Variants in UBAP2L observed in about 807,000 individuals in gnomAD.
The protein encoded by UBAP2L is ubiquitin-associated protein 2-like.
A neutral mutation model predicts 130.6 loss-of-function variants in UBAP2L; 12 were observed. That is an observed-to-expected ratio of 0.09 (90% CI 0.06 to 0.15). The LOEUF (loss-of-function observed/expected upper bound fraction) is 0.15. Ranked by LOEUF, UBAP2L falls within the 10% of genes least tolerant of loss-of-function variation. The pLI, the probability that UBAP2L is intolerant of heterozygous loss-of-function variation, is 1.00. For missense variants in UBAP2L, 965 were observed against 1,332.5 expected (o/e 0.72, Z 4.29); for synonymous variants, 503 against 524.7 (o/e 0.96, Z 0.57).
At chr1:154,234,964 G>A (rs570205398) in intron 5 of UBAP2L, among the ~76,000 whole-genome samples, 1 of 152,244 alleles carries the variant, frequency 6.6e-6, no homozygotes, top group East Asian at 1.9e-4. Context: ...TTACCCTGTA[G>A]TCATTTATAA....
At chr1:154,225,820 T>C (rs1314726280) in intron 2 of UBAP2L, among the ~76,000 whole-genome samples, 1 of 152,214 alleles carries the variant, frequency 6.6e-6, no homozygotes, top group East Asian at 1.9e-4. Context: ...GATATCTCTC[T>C]CTTTTGTTTT....
intron 8 of UBAP2L, among the ~76,000 whole-genome samples, chr1:154,239,588 GCT>G (rs1405860336): frequency 6.6e-6 from 1 of 152,058 alleles, no homozygotes; most frequent in Non-Finnish European, 1.5e-5. Flanking sequence ...TGCTTCCTCA[GCT>G]CTCTCTCTTC....
At position 154,257,591 on chromosome 1, in the gene UBAP2L, T is replaced by A; in HGVS notation, c.2442+157T>A. 5.5e-6 allele frequency: 4 copies of A among 722,958 alleles called. No homozygotes were observed. The South Asian group carries it at 7.6e-5, about 14-fold the overall frequency. 44.8% of individuals were successfully genotyped at this position (722,958 alleles called of 1,614,324 possible). On this transcript the variant is annotated intron_variant, in intron 20 of 26. Coordinates refer to ENST00000428931, the MANE Select transcript of UBAP2L (RefSeq NM_014847.4). ...GAATCCATGTATATGAGTTTTGCATTCTGTAAATGTGGCCGTATTTTTGAT... is the reference window on the plus strand; with the variant it reads ...GAATCCATGTATATGAGTTTTGCATACTGTAAATGTGGCCGTATTTTTGAT...
intron 4 of UBAP2L, 33 bp downstream of exon 4, chr1:154,228,758 G>A (rs935121057): frequency 3.3e-6 from 5 of 1,513,992 alleles, no homozygotes; most frequent in Non-Finnish European, 4.5e-6. Flanking sequence ...TAGGACATGG[G>A]TCCTCAATTG....
In UBAP2L at chr1:154,225,127, A is replaced by G; in HGVS notation, c.4A>G (p.Met2Val). Reference sequence around the variant, plus strand: ...CTGTTATTTGTATATACTGTAAATGATGACATCGGTGGGCACTAACCGAGC... The same window carrying G: ...CTGTTATTTGTATATACTGTAAATGGTGACATCGGTGGGCACTAACCGAGC... Reference protein sequence around the residue: MMTSVGTNRARG... With the variant: MVTSVGTNRARG... The change falls in exon 2 of 27, where the codon ATG becomes GTG. Residue 2 changes from methionine to valine, a missense_variant. By Grantham distance (21) the Met-to-Val change is conservative. Around this residue, in one of 9 missense-constraint regions of UBAP2L, gnomAD observed 24 missense variants for 27.7 expected, o/e 0.87. Coordinates refer to ENST00000428931, the MANE Select transcript of UBAP2L (RefSeq NM_014847.4). 6.2e-7 allele frequency: 1 copy of G among 1,614,050 alleles called. No homozygotes were observed. The highest frequency in any genetic ancestry group is 8.5e-7 in the Non-Finnish European group (1 of 1,179,968).
chr1:154,251,154 G>A lies in UBAP2L; in HGVS notation c.1327G>A (p.Ala443Thr). The change falls in exon 13 of 27, where the codon GCT becomes ACT. Residue 443 changes from alanine (A) to threonine (T), a missense_variant. Transcript: ENST00000428931. The stretch of plus-strand genomic sequence containing the variant: ...CCTTCAGGAGAAGTCACCTGCAGTG[G>A]CTACCTCCACAGCTGCACCTCCACC... ...VFLQEKSPAV[A>T]TSTAAPPPPS... 1 of 1,614,076 alleles carries A rather than the reference G, an allele frequency of 6.2e-7. No individual in the cohort carries two copies. Among genetic ancestry groups the A allele is most frequent in the South Asian group, 1.1e-5 (1 of 91,078 alleles).
At position 154,247,067 on chromosome 1, in the gene UBAP2L, G is replaced by C. The variant is rs148161984; in HGVS notation, c.1014+692G>C. On this transcript the variant is annotated intron_variant, in intron 11 of 26. Coordinates refer to ENST00000428931, the MANE Select transcript of UBAP2L (RefSeq NM_014847.4). ...TGCTACAAGTACCAGTTTTCTCATA[G>C]TCATTGAGTCCTGAGAAGTACTGCT... Among the ~76,000 whole-genome samples the C allele has an allele frequency of 1.9e-3, 283 of 152,320 alleles. 3 individuals carry two copies. Among genetic ancestry groups the C allele is most frequent in the African/African-American group, 6.4e-3 (267 of 41,572 alleles).
At position 154,251,758 on chromosome 1, in the gene UBAP2L, C is replaced by T. The variant is rs141697854; in HGVS notation, c.1664+105C>T. 1.4e-4 allele frequency: 189 copies of T among 1,310,742 alleles called. No individual in the cohort carries two copies. In the African/African-American group the frequency reaches 2.5e-3, roughly 17 times the overall value. 81.2% of individuals were successfully genotyped at this position (1,310,742 alleles called of 1,614,324 possible). On this transcript the variant is annotated intron_variant, in intron 14 of 26. Transcript: ENST00000428931. ...GGAGAGGCCAAGCCCCTCTGCATGG[C>T]TGAGGGGGAAAGTAGTCAGTCATAG...
At chr1:154,250,933 G>A in intron 12 of UBAP2L, 108 bp from the exon 13 acceptor site, 2 of 1,152,200 alleles carry the variant, frequency 1.7e-6, no homozygotes, top group Non-Finnish European at 2.4e-6. Context: ...CTGCTTATAT[G>A]AGTTTCTGAT....
Position 154,257,698 on chromosome 1 carries a change from T to C in UBAP2L, c.2442+264T>C, listed in dbSNP as rs1455151222. 5 of 448,088 alleles carry C rather than the reference T, an allele frequency of 1.1e-5. No individual in the cohort carries two copies. In the East Asian group the frequency reaches 1.9e-4, roughly 17 times the overall value. The allele number at this position is 448,088 out of a possible 1,614,324, so 27.8% of individuals were successfully genotyped here. A position where few individuals can be genotyped will look rare whatever the true frequency, so the allele number is the denominator to read the frequency against. The stretch of plus-strand genomic sequence containing the variant: ...TTAAGGGTCAACTGTAATTAAAATA[T>C]AAAATAAATGAGGGATTGCCACATG... On this transcript the variant is annotated intron_variant, in intron 20 of 26. Coordinates refer to ENST00000428931, the MANE Select transcript of UBAP2L (RefSeq NM_014847.4).
intron 4 of UBAP2L, among the ~76,000 whole-genome samples, chr1:154,232,583 T>TA (rs1264570838): frequency 2.6e-5 from 4 of 152,194 alleles, no homozygotes; most frequent in Non-Finnish European, 5.9e-5. Flanking sequence ...AATTGGCTGA[T>TA]ACCAATTTAG....
chr1:154,253,493 T>G (rs1396584157), intron 14 of UBAP2L, among the ~76,000 whole-genome samples: 2 of 150,978 alleles, frequency 1.3e-5, no homozygotes, highest in African/African-American at 4.9e-5. Context: ...CATGCCAGTC[T>G]CCTGCCTACT....
At chr1:154,261,887 CAT>C (rs1012768259) in intron 24 of UBAP2L, among the ~76,000 whole-genome samples, 190 bp downstream of exon 24, 1 of 152,148 alleles carries the variant, frequency 6.6e-6, no homozygotes, top group African/African-American at 2.4e-5. Context: ...GATACTAGGA[CAT>C]GTGTCCACTA....
chr1:154,258,820 C>T (rs1300742946), intron 20 of UBAP2L, 157 bp from the exon 21 acceptor site: 5 of 596,570 alleles, frequency 8.4e-6, no homozygotes, highest in Non-Finnish European at 1.2e-5. Context: ...GTGTACTTTA[C>T]TGCTTTTTCC....
intron 24 of UBAP2L, chr1:154,263,022 C>A: frequency 2.2e-6 from 3 of 1,382,008 alleles, no homozygotes; most frequent in Non-Finnish European, 2.9e-6. Context: ...TATATCAGCC[C>A]TTGAGAACCC....
At chr1:154,241,430 AAT>A in intron 8 of UBAP2L, 81 bp from the exon 9 acceptor site, 2 of 1,457,394 alleles carry the variant, frequency 1.4e-6, no homozygotes, top group Non-Finnish European at 1.9e-6. Context: ...CTGCCAAAAA[AAT>A]TAATACATTG....
chr1:154,271,145 G>A (rs1291367944), downstream of UBAP2L: 2 of 558,744 alleles, frequency 3.6e-6, no homozygotes, highest in African/African-American at 3.8e-5. Context: ...GCCGATTTCA[G>A]GCAGTAAAGG....
At chr1:154,220,949 C>T (rs188866046), upstream of UBAP2L, 370 of 180,624 alleles carry the variant, frequency 2.0e-3, no homozygotes, top group Non-Finnish European at 2.9e-3. Context: ...CGGCGCGGCC[C>T]GGGGTGTCAG....
At chr1:154,254,972 T>C (rs1679135059) in intron 16 of UBAP2L, 82 bp downstream of exon 16, 1 of 1,511,604 alleles carries the variant, frequency 6.6e-7, no homozygotes, top group Non-Finnish European at 9.0e-7. Context: ...TTCCCTTCAC[T>C]GGACAATTGA....
Sources: allele counts gnomAD v4.1 joint callset (sites outside exome capture counted in the v4.1 genomes callset), GRCh38; gene constraint gnomAD v4.1.1; regional missense constraint gnomAD v4.1.1; transcripts MANE v1.5; gene names NCBI Gene and HGNC (gene_info 2026-07-23, HGNC 2026-07-21).